The following NRG2 variants were observed in gnomAD, a reference collection of about 807,000 sequenced individuals.
NRG2 encodes pro-neuregulin-2, membrane-bound isoform.
In NRG2, 27 loss-of-function variants were observed where a neutral mutation model predicts 73.9. The observed-to-expected ratio is 0.37, with a 90% CI of 0.27 to 0.50. The LOEUF (loss-of-function observed/expected upper bound fraction) is 0.50, where lower values mean the gene tolerates loss of function less well. Ranked by LOEUF, NRG2 falls within the 20% of genes least tolerant of loss-of-function variation. The probability of loss-of-function intolerance (pLI) is 0.96; values close to 1 mark genes in which losing one functional copy is unlikely to be tolerated. For synonymous variants in NRG2, 532 were observed against 541.0 expected (o/e 0.98, Z 0.23); for missense variants, 1,126 against 1,210.1 (o/e 0.93, Z 1.03).
chr5:139,903,615 G>A (rs1398024310), intron 1 of NRG2, among the ~76,000 whole-genome samples: 1 of 152,174 alleles, frequency 6.6e-6, no homozygotes, highest in Non-Finnish European at 1.5e-5. Flanking sequence ...AAAGTGGGTC[G>A]CAAATCATGG....
At chr5:139,961,478 C>T (rs967263000) in intron 1 of NRG2, among the ~76,000 whole-genome samples, 3 of 152,148 alleles carry the variant, frequency 2.0e-5, no homozygotes, top group Non-Finnish European at 4.4e-5. Flanking sequence ...TTGGCTGCTG[C>T]AGCCAGAAGA....
intron 1 of NRG2, among the ~76,000 whole-genome samples, chr5:139,976,180 C>A (rs922187394): frequency 2.6e-5 from 4 of 152,158 alleles, no homozygotes; most frequent in African/African-American, 9.7e-5. Flanking sequence ...GGGACACTCT[C>A]GACAATCCTG....
intron 1 of NRG2, among the ~76,000 whole-genome samples, chr5:139,889,217 C>T (rs923376432): frequency 6.6e-6 from 1 of 152,030 alleles, no homozygotes; most frequent in Admixed American, 6.6e-5. Flanking sequence ...TTTCTTGGAA[C>T]TCTTGGTAGC....
At chr5:140,035,690 C>G (rs933607861) in intron 1 of NRG2, among the ~76,000 whole-genome samples, 1 of 152,172 alleles carries the variant, frequency 6.6e-6, no homozygotes, top group Non-Finnish European at 1.5e-5. Flanking sequence ...GTCAATTCAG[C>G]TTGGCTTCTG....
intron 1 of NRG2, among the ~76,000 whole-genome samples, chr5:139,921,327 C>G (rs1751643241): frequency 6.6e-6 from 1 of 152,216 alleles, no homozygotes; most frequent in African/African-American, 2.4e-5. Context: ...AAGACTTACA[C>G]TGCCTGACTT....
intron 1 of NRG2, among the ~76,000 whole-genome samples, chr5:140,027,765 G>A (rs1380160832): frequency 1.3e-5 from 2 of 152,136 alleles, no homozygotes; most frequent in South Asian, 2.1e-4. Context: ...AACATATCCC[G>A]CATGGATTGG....
At position 139,852,381 on chromosome 5, in the gene NRG2, C is replaced by A; in HGVS notation, c.1544+51G>T. On this transcript the variant is annotated intron_variant, in intron 8 of 9. Coordinates refer to ENST00000361474, the MANE Select transcript of NRG2 (RefSeq NM_004883.3). The surrounding 1 kb of genome is among the most constrained non-coding windows in gnomAD (Gnocchi z 4.4). The stretch of plus-strand genomic sequence containing the variant: ...GTCGGAGTAAGTGGGCACTTTGCGC[C>A]AGATGAAGTATGTGAGTCTACAAGT... 1 of 1,590,378 alleles carries A rather than the reference C, an allele frequency of 6.3e-7. No homozygotes were observed. The highest frequency in any genetic ancestry group is 8.6e-7 in the Non-Finnish European group (1 of 1,168,846).
At chr5:139,848,736 G>C (rs1198424755) in intron 9 of NRG2, 39 bp from the exon 10 acceptor site, 1 of 1,306,468 alleles carries the variant, frequency 7.7e-7, no homozygotes, top group Non-Finnish European at 9.8e-7. Context: ...GGGCCAGGCC[G>C]GGCCGGCGCG....
intron 1 of NRG2, among the ~76,000 whole-genome samples, chr5:140,027,403 C>A (rs1760780178): frequency 6.6e-6 from 1 of 152,208 alleles, no homozygotes; most frequent in Non-Finnish European, 1.5e-5. Flanking sequence ...TAGAGAAGAG[C>A]TTATGTTAAG....
Position 140,021,602 on chromosome 5 carries a change from C to A in NRG2, c.700+20768G>T, listed in dbSNP as rs144775902. Among the ~76,000 whole-genome samples the A allele has an allele frequency of 6.7e-4, 102 of 152,310 alleles. No individual in the cohort carries two copies. In the East Asian group the frequency reaches 0.014, roughly 21 times the overall value. On this transcript the variant is annotated intron_variant, in intron 1 of 9. Transcript: ENST00000361474. ...CAATAAAATATCACCTCTGCAACAA[C>A]AACATGAGCATGCCCTACTATTTTA...
intron 1 of NRG2, among the ~76,000 whole-genome samples, chr5:139,968,004 A>AATAAATAAATAAATAAATAT (rs1561716211): frequency 2.6e-5 from 4 of 151,476 alleles, no homozygotes; most frequent in African/African-American, 9.7e-5. Context: ...TAAATAAATA[A>AATAAATAAATAAATAAATAT]ATAAATAAAT....
At position 139,851,661 on chromosome 5, in the gene NRG2, G is replaced by C; in HGVS notation, c.1715C>G (p.Thr572Ser). ...CACGGAATCGTGATAGGGTGGCGCG[G>C]TGGCCCTGCGCCGCTCCTCCAGGTT... ...AYNLEERRRATAPPYHDSVDS... is the reference protein window; with the variant it reads ...AYNLEERRRASAPPYHDSVDS... The change falls in exon 9 of 10, where the codon ACC (threonine) becomes AGC (serine). Residue 572 changes from threonine (T) to serine (S), a missense_variant. This residue lies in a region of NRG2 where 539 missense variants were observed against 703.2 expected (regional missense o/e 0.77). Transcript: ENST00000361474. This position sits in a 1 kb window ranked among gnomAD's most constrained non-coding sequence, Gnocchi z 4.2. The C allele has an allele frequency of 6.2e-7, 1 of 1,614,138 alleles. No individual in the cohort carries two copies. Among genetic ancestry groups the C allele is most frequent in the Non-Finnish European group, 8.5e-7 (1 of 1,180,052 alleles).
At chr5:139,970,069 G>A (rs939514703) in intron 1 of NRG2, among the ~76,000 whole-genome samples, 2 of 152,114 alleles carry the variant, frequency 1.3e-5, no homozygotes, top group African/African-American at 4.8e-5. Context: ...TCCCTAAAGG[G>A]CTATACAGAA....
intron 1 of NRG2, among the ~76,000 whole-genome samples, chr5:139,937,574 T>C (rs955553733): frequency 6.6e-6 from 1 of 152,216 alleles, no homozygotes; most frequent in Non-Finnish European, 1.5e-5. Flanking sequence ...ACAAAAATGC[T>C]ACTAGAACTA....
chr5:139,885,004 T>C (rs1196950821), intron 2 of NRG2, among the ~76,000 whole-genome samples: 1 of 151,814 alleles, frequency 6.6e-6, no homozygotes, highest in Non-Finnish European at 1.5e-5. Context: ...GGGGAACACA[T>C]GAGGGAGAGA....
Position 139,852,765 on chromosome 5 carries a change from A to G in NRG2, c.1416+139T>C. On this transcript the variant is annotated intron_variant, in intron 7 of 9. Transcript: ENST00000361474. The surrounding 1 kb of genome is among the most constrained non-coding windows in gnomAD (Gnocchi z 4.4). ...GGAAGTGAGCAAACCAAGGCCAGCCATCCTGGTGAGGCAGTGCCTAGCAGG... is the reference window on the plus strand; with the variant it reads ...GGAAGTGAGCAAACCAAGGCCAGCCGTCCTGGTGAGGCAGTGCCTAGCAGG... The G allele has an allele frequency of 6.8e-7, 1 of 1,478,180 alleles. No homozygotes were observed. 91.6% of individuals were successfully genotyped at this position (1,478,180 alleles called of 1,614,324 possible). A position where few individuals can be genotyped will look rare whatever the true frequency, so the allele number is the denominator to read the frequency against.
At chr5:139,883,584 A>G (rs1217074186) in intron 2 of NRG2, among the ~76,000 whole-genome samples, 1 of 152,084 alleles carries the variant, frequency 6.6e-6, no homozygotes, top group Non-Finnish European at 1.5e-5. Context: ...GAGGTAGGGG[A>G]GCCAGCTGTT....
intron 1 of NRG2, among the ~76,000 whole-genome samples, chr5:139,966,292 T>C (rs919013157): frequency 2.6e-5 from 4 of 152,312 alleles, no homozygotes; most frequent in African/African-American, 9.6e-5. Context: ...CATACCACAT[T>C]GTACAAGTCT....
In NRG2 at chr5:139,865,192, C is replaced by G. The variant is rs879038834; in HGVS notation, c.1189+357G>C. The G allele has an allele frequency of 6.2e-7, 1 of 1,610,156 alleles. No homozygotes were observed. On this transcript the variant is annotated intron_variant, in intron 5 of 9. Transcript: ENST00000361474. The surrounding 1 kb of genome is among the most constrained non-coding windows in gnomAD (Gnocchi z 5.2). The stretch of plus-strand genomic sequence containing the variant: ...AGGACACCTACCAAAAGAAAGAAAA[C>G]CAGAAAGAGAGAGCCAGGATAGCAA...
Sources: gnomAD v4.1 joint callset for allele counts (sites outside exome capture counted in the v4.1 genomes callset) on GRCh38, gnomAD v4.1.1 for gene constraint, gnomAD v4.1.1 regional missense constraint, Gnocchi (gnomAD v3.1) non-coding constraint, MANE v1.5 for transcripts, NCBI Gene and HGNC (gene_info 2026-07-23, HGNC 2026-07-21) for gene names.